Variants in MDFIC observed in about 807,000 individuals in gnomAD.
MDFIC encodes MyoD family inhibitor domain containing, also known as myoD family inhibitor domain-containing protein.
MDFIC carries 17 observed loss-of-function variants against 23.2 expected under a neutral mutation model. The ratio of observed to expected loss-of-function variants is 0.73; its 90% CI spans 0.50 to 1.10. The LOEUF is 1.10. MDFIC is among the 50% of genes least tolerant of loss of function. The pLI, the probability that MDFIC is intolerant of heterozygous loss-of-function variation, is 0.00. For missense variants in MDFIC, 356 were observed against 316.6 expected, an observed-to-expected ratio of 1.12 and a Z score of -0.95; for synonymous variants, 120 against 115.2, an observed-to-expected ratio of 1.04 and a Z score of -0.27.
chr7:114,991,621 T>C (rs1210948551), intron 4 of MDFIC, among the ~76,000 whole-genome samples: 1 of 152,104 alleles, frequency 6.6e-6, no homozygotes, highest in East Asian at 1.9e-4. Context: ...TTTCCCCATT[T>C]CTTGTTTTTG....
chr7:114,999,384 A>G (rs1271420837), intron 4 of MDFIC, among the ~76,000 whole-genome samples: 1 of 151,984 alleles, frequency 6.6e-6, no homozygotes, highest in Non-Finnish European at 1.5e-5. Context: ...TGAATTGATT[A>G]TTATTCCTCC....
intron 3 of MDFIC, among the ~76,000 whole-genome samples, chr7:114,946,768 C>T (rs147794084): frequency 3.3e-4 from 51 of 152,286 alleles, no homozygotes; most frequent in Middle Eastern, 3.4e-3. Context: ...CGTATCATGC[C>T]TTTTCACTCA....
At chr7:114,959,701 G>A (rs1032927105) in intron 3 of MDFIC, among the ~76,000 whole-genome samples, 6 of 152,000 alleles carry the variant, frequency 3.9e-5, no homozygotes, top group Non-Finnish European at 7.4e-5. Context: ...TATGTAGGAA[G>A]ACTTTGGAAT....
intron 3 of MDFIC, among the ~76,000 whole-genome samples, chr7:114,961,496 CT>C (rs1471220880): frequency 6.6e-6 from 1 of 152,072 alleles, no homozygotes; most frequent in African/African-American, 2.4e-5. Flanking sequence ...TTCTCATATA[CT>C]TTACTCATAT....
chr7:114,951,369 G>A (rs1792765447), intron 3 of MDFIC, among the ~76,000 whole-genome samples: 1 of 152,020 alleles, frequency 6.6e-6, no homozygotes, highest in Admixed American at 6.6e-5. Flanking sequence ...AGATTTTTTG[G>A]AACCAGTCTT....
At chr7:114,966,092 T>C (rs1046841382) in intron 3 of MDFIC, among the ~76,000 whole-genome samples, 2 of 152,234 alleles carry the variant, frequency 1.3e-5, no homozygotes, top group African/African-American at 4.8e-5. Flanking sequence ...CCAGATATCA[T>C]TGTCATTGAA....
intron 2 of MDFIC, among the ~76,000 whole-genome samples, chr7:114,935,405 A>G (rs1232927384): frequency 6.6e-6 from 1 of 152,104 alleles, no homozygotes; most frequent in Non-Finnish European, 1.5e-5. Flanking sequence ...ATAAGACTAT[A>G]TTTTACACTG....
chr7:114,983,574 T>G (rs1447205992), intron 4 of MDFIC, among the ~76,000 whole-genome samples: 1 of 146,014 alleles, frequency 6.8e-6, no homozygotes, highest in East Asian at 2.0e-4. Context: ...TTTTTTTTTT[T>G]TTTTTTTTTT....
intron 3 of MDFIC, among the ~76,000 whole-genome samples, chr7:114,951,788 A>G (rs1396730408): frequency 1.3e-5 from 2 of 152,210 alleles, no homozygotes; most frequent in African/African-American, 4.8e-5. Flanking sequence ...ATTAGAGCTT[A>G]GTCACCTGTA....
Position 114,979,531 on chromosome 7 carries a change from T to C in MDFIC, c.243T>C (p.Leu81=), listed in dbSNP as rs1253053065. Residue 81 remains leucine (L), a synonymous_variant, in exon 4 of 5, where the codon CTT becomes CTC. Coordinates refer to ENST00000393486, the MANE Select transcript of MDFIC (RefSeq NM_001166345.3). The part of the protein sequence containing the change: ...IRTQPQRLPQ[L]QTSAQVPSGE... The stretch of plus-strand genomic sequence containing the variant: ...CCCAACCTCAGCGCTTGCCTCAGCT[T>C]CAGACTTCAGCCCAGGTGCCAAGTG... The C allele has an allele frequency of 6.2e-7, 1 of 1,613,400 alleles. No homozygotes were observed. Among genetic ancestry groups the C allele is most frequent in the Admixed American group, 1.7e-5 (1 of 59,980 alleles).
chr7:115,013,424 ATAAATAATTTACAT>A (rs1791722647), intron 4 of MDFIC, among the ~76,000 whole-genome samples: 1 of 152,226 alleles, frequency 6.6e-6, no homozygotes. Flanking sequence ...CGACTAGTAT[ATAAATAATTTACAT>A]AATCAATAAC....
At chr7:115,010,130 T>TA (rs983873072) in intron 4 of MDFIC, among the ~76,000 whole-genome samples, 6 of 152,128 alleles carry the variant, frequency 3.9e-5, no homozygotes, top group East Asian at 1.9e-4. Context: ...CCCATTTTTT[T>TA]AAAAAAAGTT....
At chr7:114,995,340 C>G (rs1228373887) in intron 4 of MDFIC, among the ~76,000 whole-genome samples, 4 of 152,210 alleles carry the variant, frequency 2.6e-5, no homozygotes, top group African/African-American at 9.7e-5. Flanking sequence ...GCCTTCTTCT[C>G]TCAACTCGTC....
intron 3 of MDFIC, among the ~76,000 whole-genome samples, chr7:114,953,260 A>G (rs1291788728): frequency 4.6e-5 from 7 of 152,216 alleles, no homozygotes; most frequent in African/African-American, 1.7e-4. Context: ...ATTTCTAAAT[A>G]AAAGGTTGTC....
chr7:114,983,598 C>T (rs909274717), intron 4 of MDFIC, among the ~76,000 whole-genome samples: 3 of 124,530 alleles, frequency 2.4e-5, no homozygotes, highest in Non-Finnish European at 3.2e-5. Context: ...GGTCGTGTCT[C>T]ACTCTGTTGC....
At chr7:114,928,817 T>C (rs1355539573) in intron 2 of MDFIC, among the ~76,000 whole-genome samples, 1 of 152,122 alleles carries the variant, frequency 6.6e-6, no homozygotes, top group Non-Finnish European at 1.5e-5. Context: ...GAGGCAGTGA[T>C]TATAATAGGC....
At chr7:114,980,044 A>C (rs1793391603) in intron 4 of MDFIC, 2 of 470,754 alleles carry the variant, frequency 4.2e-6, no homozygotes, top group Non-Finnish European at 7.8e-6. Flanking sequence ...TTCTTTTTTT[A>C]ATGCCACATT....
At chr7:114,958,910 C>G (rs569023730) in intron 3 of MDFIC, among the ~76,000 whole-genome samples, 1 of 152,250 alleles carries the variant, frequency 6.6e-6, no homozygotes, top group Non-Finnish European at 1.5e-5. Context: ...ACAATCAGTT[C>G]CTTGTCCTCA....
chr7:114,963,931 T>G (rs2115877206), intron 3 of MDFIC, among the ~76,000 whole-genome samples: 1 of 152,328 alleles, frequency 6.6e-6, no homozygotes, highest in East Asian at 1.9e-4. Context: ...TTAACTCATC[T>G]TAGCACTGTG....
Sources: allele counts gnomAD v4.1 joint callset (sites outside exome capture counted in the v4.1 genomes callset), GRCh38; gene constraint gnomAD v4.1.1; transcripts MANE v1.5; gene names NCBI Gene and HGNC (gene_info 2026-07-23, HGNC 2026-07-21).